Variants in HDAC8 observed in about 807,000 individuals in gnomAD.
HDAC8 encodes the protein histone deacetylase-like 1.
Under a neutral mutation model 32.2 loss-of-function variants are expected in HDAC8, and 1 was observed. The ratio of observed to expected loss-of-function variants is 0.03; its 90% CI spans 0.01 to 0.15. HDAC8 has a LOEUF of 0.15. Among genes scored for constraint, HDAC8 ranks in the 10% least tolerant of loss-of-function variants. The pLI, the probability that HDAC8 is intolerant of heterozygous loss-of-function variation, is 1.00. For missense variants in HDAC8, 117 were observed against 300.0 expected (o/e 0.39, Z 4.51); for synonymous variants, 108 against 113.9 (o/e 0.95, Z 0.33).
intron 4 of HDAC8, among the ~76,000 whole-genome samples, chrX:72,508,874 G>A (rs1162996690): frequency 9.0e-6 from 1 of 111,724 alleles, no homozygotes; most frequent in Admixed American, 9.5e-5. Flanking sequence ...CTCAGTCTCA[G>A]GTATTCAGTT....
intron 4 of HDAC8, among the ~76,000 whole-genome samples, chrX:72,505,993 G>A (rs1273511203): frequency 9.0e-6 from 1 of 111,591 alleles, no homozygotes; most frequent in Non-Finnish European, 1.9e-5. Context: ...CAGAGTCACT[G>A]AGAACTAAAA....
intron 10 of HDAC8, chrX:72,331,007 C>T (rs953981364): frequency 4.5e-5 from 4 of 88,458 alleles, no homozygotes; most frequent in African/African-American, 1.8e-4. Context: ...GGCTGTCGTA[C>T]AATGGCGCGG....
At chrX:72,564,116 C>T (rs2051692015) in intron 4 of HDAC8, among the ~76,000 whole-genome samples, 1 of 111,568 alleles carries the variant, frequency 9.0e-6, no homozygotes, top group Admixed American at 9.5e-5. Flanking sequence ...GCCGAGATCA[C>T]ACCATTGCAC....
intron 4 of HDAC8, among the ~76,000 whole-genome samples, chrX:72,558,556 G>A (rs1291670151): frequency 3.6e-5 from 4 of 111,441 alleles, no homozygotes; most frequent in Admixed American, 9.5e-5. Context: ...TTAAAACCCC[G>A]AGCAAAATTG....
At chrX:72,412,616 G>T (rs2046225243) in intron 9 of HDAC8, among the ~76,000 whole-genome samples, 1 of 111,442 alleles carries the variant, frequency 9.0e-6, no homozygotes, top group South Asian at 3.8e-4. Flanking sequence ...TATGAGATGG[G>T]GAAAATGGGT....
intron 4 of HDAC8, among the ~76,000 whole-genome samples, chrX:72,500,783 G>T (rs782373281): frequency 2.9e-4 from 33 of 111,889 alleles, no homozygotes; most frequent in African/African-American, 1.0e-3. Context: ...GAGCAATCAG[G>T]TAAGAGAAAG....
intron 9 of HDAC8, among the ~76,000 whole-genome samples, chrX:72,426,777 A>C (rs2046651068): frequency 9.0e-6 from 1 of 110,563 alleles, no homozygotes; most frequent in Non-Finnish European, 1.9e-5. Flanking sequence ...CCCGGAATTC[A>C]TATGTTGAAG....
intron 9 of HDAC8, among the ~76,000 whole-genome samples, chrX:72,413,112 GT>G (rs10716535): frequency 0.25 from 26,069 of 105,395 alleles, 5,847 homozygotes; most frequent in East Asian, 0.74. Flanking sequence ...TGTGTAACTG[GT>G]TTTTTTTTTT....
chrX:72,487,000 G>A (rs2048696988), intron 7 of HDAC8, among the ~76,000 whole-genome samples: 1 of 111,602 alleles, frequency 9.0e-6, no homozygotes, highest in Non-Finnish European at 1.9e-5. Flanking sequence ...TCACTGTGTG[G>A]CTTGCATTGC....
intron 9 of HDAC8, among the ~76,000 whole-genome samples, chrX:72,443,915 C>G (rs1341564712): frequency 2.8e-5 from 3 of 108,976 alleles, no homozygotes; most frequent in Non-Finnish European, 5.7e-5. Context: ...CACCTCTATG[C>G]AAATAAACTA....
At chrX:72,565,382 G>A (rs1168100743) in intron 4 of HDAC8, among the ~76,000 whole-genome samples, 2 of 112,177 alleles carry the variant, frequency 1.8e-5, no homozygotes, top group African/African-American at 3.2e-5. Context: ...AGAACACCTT[G>A]GAATTCAGAC....
At position 72,398,396 on chromosome X, in the gene HDAC8, G is replaced by C. The variant is rs190636814; in HGVS notation, c.1006-46558C>G. On this transcript the variant is annotated intron_variant, in intron 9 of 10. Transcript: ENST00000373573. ...GCTGGAGTGCAGTGGCGCAATCATA[G>C]CTCACTGCAGTTGCAAACTCCTGGG... Among the ~76,000 whole-genome samples, 4 of 111,282 alleles carry C rather than the reference G, an allele frequency of 3.6e-5. No individual in the cohort carries two copies. The East Asian group carries it at 1.1e-3, about 31-fold the overall frequency.
At chrX:72,551,653 AAGG>A (rs1450211151) in intron 4 of HDAC8, among the ~76,000 whole-genome samples, 11 of 111,335 alleles carry the variant, frequency 9.9e-5, no homozygotes, top group Non-Finnish European at 2.1e-4. Flanking sequence ...AGGCATACAG[AAGG>A]AGTTTAATAG....
chrX:72,380,725 A>G (rs1312081804), intron 9 of HDAC8, among the ~76,000 whole-genome samples: 2 of 111,356 alleles, frequency 1.8e-5, no homozygotes, highest in African/African-American at 6.5e-5. Flanking sequence ...GTTTAGTAGA[A>G]ATATAATGTG....
At chrX:72,463,231 AT>A (rs1555992468) in intron 8 of HDAC8, among the ~76,000 whole-genome samples, 1 of 112,057 alleles carries the variant, frequency 8.9e-6, no homozygotes, top group African/African-American at 3.2e-5. Flanking sequence ...TGAGTATTTA[AT>A]TTCAAAAAAA....
chrX:72,360,957 A>G (rs1555952298), intron 9 of HDAC8, among the ~76,000 whole-genome samples: 1 of 112,122 alleles, frequency 8.9e-6, no homozygotes. Flanking sequence ...GAAGCAGCAC[A>G]TCAAAAGCGC....
intron 9 of HDAC8, among the ~76,000 whole-genome samples, chrX:72,450,716 T>G (rs1421163870): frequency 4.5e-5 from 5 of 110,696 alleles, no homozygotes; most frequent in African/African-American, 1.6e-4. Flanking sequence ...AACTGTAGCC[T>G]GGAGAGAAAA....
intron 7 of HDAC8, among the ~76,000 whole-genome samples, chrX:72,476,021 CT>C (rs2048327027): frequency 9.0e-6 from 1 of 111,181 alleles, no homozygotes; most frequent in Admixed American, 9.6e-5. Flanking sequence ...TACGTGTCAC[CT>C]TGGCAACAGA....
intron 4 of HDAC8, among the ~76,000 whole-genome samples, chrX:72,528,260 C>A (rs782576418): frequency 1.3e-3 from 148 of 111,554 alleles, no homozygotes; most frequent in Non-Finnish European, 2.0e-3. Context: ...ACAGTGCCAG[C>A]CCTACAAGAG....
Sources: gnomAD v4.1 joint callset for allele counts (sites outside exome capture counted in the v4.1 genomes callset) on GRCh38, gnomAD v4.1.1 for gene constraint, MANE v1.5 for transcripts, NCBI Gene and HGNC (gene_info 2026-07-23, HGNC 2026-07-21) for gene names.